Variants in SUGP1 observed in about 807,000 individuals in gnomAD.
SUGP1 encodes SURP and G-patch domain containing 1, also known as SURP and G-patch domain-containing protein 1.
In SUGP1, 34 loss-of-function variants were observed where a neutral mutation model predicts 76.5. The ratio of observed to expected loss-of-function variants is 0.44; its 90% CI spans 0.34 to 0.59. SUGP1 has a LOEUF of 0.59. Ranked by LOEUF, SUGP1 falls within the 20% of genes least tolerant of loss-of-function variation. SUGP1 has a pLI of 0.01. For synonymous variants in SUGP1, 326 were observed against 326.2 expected (o/e 1.00, Z 0.01); for missense variants, 752 against 851.7 (o/e 0.88, Z 1.46).
At chr19:19,302,226 C>T in intron 7 of SUGP1, 39 bp downstream of exon 7, 1 of 1,611,180 alleles carries the variant, frequency 6.2e-7, no homozygotes, top group Non-Finnish European at 8.5e-7. Flanking sequence ...GGGACTGTGG[C>T]CAGGGTGACG....
chr19:19,277,354 C>A (rs926968508), intron 12 of SUGP1, among the ~76,000 whole-genome samples: 24 of 152,060 alleles, frequency 1.6e-4, no homozygotes, highest in Non-Finnish European at 4.4e-5. Context: ...TCAAGGACAG[C>A]CTTGAAGGGG....
chr19:19,299,016 C>T (rs188785129), intron 7 of SUGP1, among the ~76,000 whole-genome samples: 17 of 152,332 alleles, frequency 1.1e-4, no homozygotes, highest in Admixed American at 8.5e-4. Flanking sequence ...CCATCTAGAA[C>T]ACGGCTGGGT....
chr19:19,308,262 G>A (rs739846), intron 3 of SUGP1, among the ~76,000 whole-genome samples: 15,291 of 151,558 alleles, frequency 0.1, 930 homozygotes, highest in African/African-American at 0.17. Context: ...TTGAATTCCC[G>A]AGCTCAAGCG....
chr19:19,305,844 C>G lies in SUGP1; in HGVS notation c.538+5G>C. The stretch of plus-strand genomic sequence containing the variant: ...GGTGGGGGAGCAGCAGCTCCCACAA[C>G]TTACCTTTGATCTCCAGCCACTGCT... On this transcript the variant is annotated splice_donor_5th_base_variant and intron_variant, in intron 4 of 13. Transcript: ENST00000247001. 1.9e-6 allele frequency: 3 copies of G among 1,596,362 alleles called. No homozygotes were observed. Among genetic ancestry groups the G allele is most frequent in the Non-Finnish European group, 2.6e-6 (3 of 1,168,518 alleles).
chr19:19,284,452 AC>A (rs1033605566), intron 8 of SUGP1, among the ~76,000 whole-genome samples: 1 of 151,972 alleles, frequency 6.6e-6, no homozygotes, highest in Non-Finnish European at 1.5e-5. Flanking sequence ...CAGCATAAGG[AC>A]CACTGTTAAA....
chr19:19,298,697 T>C (rs1268731621), intron 7 of SUGP1, among the ~76,000 whole-genome samples: 1 of 152,130 alleles, frequency 6.6e-6, no homozygotes, highest in East Asian at 1.9e-4. Context: ...GATTAAGAGG[T>C]AAAAGCAACA....
intron 12 of SUGP1, 43 bp from the exon 13 acceptor site, chr19:19,277,119 C>T (rs764814936): frequency 1.9e-6 from 3 of 1,581,626 alleles, no homozygotes; most frequent in Admixed American, 3.6e-5. Flanking sequence ...GGGGCCAGAA[C>T]TCTGGCCGGG....
At position 19,279,750 on chromosome 19, in the gene SUGP1, C is replaced by A. The variant is rs907426543; in HGVS notation, c.1351-360G>T. On this transcript the variant is annotated intron_variant, in intron 9 of 13. Coordinates refer to ENST00000247001, the MANE Select transcript of SUGP1 (RefSeq NM_172231.4). ...CTCCTCAGGGGAGCCAACACCGACA[C>A]TGCCCAACTACAACTGGGAGGCCTC... 6.6e-4 allele frequency among the ~76,000 whole-genome samples: 100 copies of A among 152,238 alleles called. 2 individuals are homozygous for A. Among genetic ancestry groups the A allele is most frequent in the South Asian group, 2.1e-4 (1 of 4,834 alleles).
Position 19,279,319 on chromosome 19 carries a change from C to G in SUGP1, c.1422G>C (p.Lys474Asn). 6.2e-7 allele frequency: 1 copy of G among 1,611,210 alleles called. No individual in the cohort carries two copies. The highest frequency in any genetic ancestry group is 8.5e-7 in the Non-Finnish European group (1 of 1,179,802). Residue 474 changes from lysine (K) to asparagine (N), a missense_variant, in exon 10 of 14, where the codon AAG becomes AAC. Lys to Asn is a moderately conservative substitution (Grantham distance 94, BLOSUM62 0). Around this residue, in one of 2 missense-constraint regions of SUGP1, gnomAD observed 620 missense variants for 617.3 expected, o/e 1.00. Coordinates refer to ENST00000247001, the MANE Select transcript of SUGP1 (RefSeq NM_172231.4). The stretch of plus-strand genomic sequence containing the variant: ...AGCCGTGCTGGTGCTGTTGGACTGC[C>G]TTCTCCCACAGCAGCTGCATGTCCT... ...AMQDMQLLWE[K>N]AVQQHQHGYD...
rs118185961 is a variant in SUGP1 at position 19,280,666 on chromosome 19, G to A, written c.1244-375C>T. On this transcript the variant is annotated intron_variant, in intron 8 of 13. Coordinates refer to ENST00000247001, the MANE Select transcript of SUGP1 (RefSeq NM_172231.4). Reference sequence around the variant, plus strand: ...CGGCATGTGGGCAGCATGCATGGGCGCACGCACAAACGGGCTCTCAGAAGG... The same window carrying A: ...CGGCATGTGGGCAGCATGCATGGGCACACGCACAAACGGGCTCTCAGAAGG... 290 of 218,000 alleles carry A rather than the reference G, an allele frequency of 1.3e-3. 4 individuals are homozygous for A. In the East Asian group the frequency reaches 0.024, roughly 18 times the overall value. 13.5% of individuals were successfully genotyped at this position (218,000 alleles called of 1,614,324 possible).
At chr19:19,309,939 A>G (rs1379493093) in intron 3 of SUGP1, among the ~76,000 whole-genome samples, 158 bp downstream of exon 3, 1 of 152,080 alleles carries the variant, frequency 6.6e-6, no homozygotes, top group African/African-American at 2.4e-5. Context: ...TGTATTATTT[A>G]TTTATTTATG....
rs141056245 is a variant in SUGP1, at chr19:19,297,258, C to A, written c.974G>T (p.Gly325Val). 24 of 1,577,972 alleles carry A rather than the reference C, an allele frequency of 1.5e-5. No homozygotes were observed. The highest frequency in any genetic ancestry group is 2.1e-5 in the Non-Finnish European group (24 of 1,156,680). ...GCCGGGATCAGGTGCTGTGAAGCTGCCTGTGGAGCTGGCCTTGGCTTTCCG... is the reference window on the plus strand; with the variant it reads ...GCCGGGATCAGGTGCTGTGAAGCTGACTGTGGAGCTGGCCTTGGCTTTCCG... Reference protein sequence around the residue: ...EFRKAKASSTGSFTAPDPGLK... With the variant: ...EFRKAKASSTVSFTAPDPGLK... Residue 325 changes from glycine (G) to valine (V), a missense_variant, in exon 8 of 14, where the codon GGC becomes GTC. Gly to Val is a moderately radical substitution (Grantham distance 109). Around this residue, in one of 2 missense-constraint regions of SUGP1, gnomAD observed 620 missense variants for 617.3 expected, o/e 1.00. Transcript: ENST00000247001.
chr19:19,318,242 C>T (rs554884809), intron 1 of SUGP1, among the ~76,000 whole-genome samples: 9 of 151,310 alleles, frequency 5.9e-5, no homozygotes, highest in African/African-American at 1.2e-4. Context: ...CTCAGCCTCC[C>T]GAGTATCTGG....
In SUGP1 at chr19:19,304,533, T is replaced by C. The variant is rs556444307; in HGVS notation, c.539-686A>G. 7.9e-5 allele frequency among the ~76,000 whole-genome samples: 12 copies of C among 152,308 alleles called. No individual in the cohort carries two copies. The South Asian group carries it at 2.5e-3, about 32-fold the overall frequency. ...ATGCTCAATGCCACAGGCTTAATCA[T>C]TATTTCGGGGCCTTTTCAGTGAACA... On this transcript the variant is annotated intron_variant, in intron 4 of 13. Coordinates refer to ENST00000247001, the MANE Select transcript of SUGP1 (RefSeq NM_172231.4).
At position 19,297,308 on chromosome 19, in the gene SUGP1, G is replaced by A. The variant is rs754228476; in HGVS notation, c.924C>T (p.Tyr308=). ...GGAACTCCTCCAGCTTCTGTCGGTA[G>A]TACTTGTACCCTTGGCTATTGGGCT... The part of the protein sequence containing the change: ...LYEPNSQGYK[Y]YRQKLEEFRK... Residue 308 remains tyrosine, a synonymous_variant, in exon 8 of 14, where the codon TAC becomes TAT. Coordinates refer to ENST00000247001, the MANE Select transcript of SUGP1 (RefSeq NM_172231.4). The A allele has an allele frequency of 7.8e-6, 12 of 1,533,272 alleles. No individual in the cohort carries two copies. The highest frequency in any genetic ancestry group is 2.0e-5 in the Admixed American group (1 of 49,670). 95.0% of individuals were successfully genotyped at this position (1,533,272 alleles called of 1,614,324 possible). A position where few individuals can be genotyped will look rare whatever the true frequency, so the allele number is the denominator to read the frequency against.
rs3764604 is a variant in SUGP1, at chr19:19,279,491, C to T, written c.1351-101G>A. 3.0e-5 allele frequency: 40 copies of T among 1,340,610 alleles called. No homozygotes were observed. The East Asian group carries it at 6.5e-4, about 22-fold the overall frequency. The allele number at this position is 1,340,610 out of a possible 1,614,324, so 83.0% of individuals were successfully genotyped here. A position where few individuals can be genotyped will look rare whatever the true frequency, so the allele number is the denominator to read the frequency against. On this transcript the variant is annotated intron_variant, in intron 9 of 13. Coordinates refer to ENST00000247001, the MANE Select transcript of SUGP1 (RefSeq NM_172231.4). ...CAGTGCTGGGCATCCCCCGCCGGAA[C>T]GTGGCTCATCTGGACCCCTGGGCAG...
chr19:19,296,568 AC>A (rs1223142625), intron 8 of SUGP1, among the ~76,000 whole-genome samples: 4 of 151,748 alleles, frequency 2.6e-5, no homozygotes, highest in Non-Finnish European at 5.9e-5. Flanking sequence ...AATGGTGTGA[AC>A]CCAGGAGGCA....
At chr19:19,284,319 C>T (rs1026354407) in intron 8 of SUGP1, among the ~76,000 whole-genome samples, 1 of 152,034 alleles carries the variant, frequency 6.6e-6, no homozygotes, top group African/African-American at 2.4e-5. Context: ...CTAGTGATGG[C>T]GGAAGTGCTC....
chr19:19,305,320 C>T (rs1206254015), intron 4 of SUGP1, among the ~76,000 whole-genome samples: 1 of 152,214 alleles, frequency 6.6e-6, no homozygotes, highest in East Asian at 1.9e-4. Flanking sequence ...CAGCCACCCC[C>T]CTTTGCCCTC....
Sources: allele counts gnomAD v4.1 joint callset (sites outside exome capture counted in the v4.1 genomes callset), GRCh38; gene constraint gnomAD v4.1.1; regional missense constraint gnomAD v4.1.1; transcripts MANE v1.5; gene names NCBI Gene and HGNC (gene_info 2026-07-23, HGNC 2026-07-21).